The following SHISA9 variants were observed in gnomAD, a reference collection of about 807,000 sequenced individuals.
SHISA9 encodes protein shisa-9.
In SHISA9, 13 loss-of-function variants were observed where a neutral mutation model predicts 38.0. The observed-to-expected ratio is 0.34, with a 90% CI of 0.22 to 0.54. The LOEUF (loss-of-function observed/expected upper bound fraction) is 0.54, where lower values mean the gene tolerates loss of function less well. Ranked by LOEUF, SHISA9 falls within the 20% of genes least tolerant of loss-of-function variation. The pLI is 0.91. For synonymous variants in SHISA9, 275 were observed against 242.0 expected (o/e 1.14, Z -1.27); for missense variants, 538 against 575.8 (o/e 0.93, Z 0.67).
rs2050879341 is a variant in SHISA9, at chr16:13,190,940, GTC to G, written c.692-12448_692-12447del. Among the ~76,000 whole-genome samples the G allele has an allele frequency of 2.6e-5, 4 of 151,488 alleles. 1 individual carries two copies. The highest frequency in any genetic ancestry group is 4.2e-4 in the South Asian group (2 of 4,762). ...TTTTCTTTATTGCAAATTCCTGCTG[GTC>G]TCTCTGCCACCAAGATTCAAAAAGA... On this transcript the variant is annotated intron_variant, in intron 2 of 4. Coordinates refer to ENST00000558583, the MANE Select transcript of SHISA9 (RefSeq NM_001145204.3).
At chr16:13,178,206 A>G (rs2142028064) in intron 2 of SHISA9, among the ~76,000 whole-genome samples, 1 of 152,260 alleles carries the variant, frequency 6.6e-6, no homozygotes, top group Non-Finnish European at 1.5e-5. Flanking sequence ...TCCATGGATC[A>G]GCTACAAGGA....
the SHISA9 span, among the ~76,000 whole-genome samples, chr16:13,300,875 C>A: frequency 9.0e-6 from 1 of 111,460 alleles, no homozygotes. Context: ...CCTCTCCTCT[C>A]CTCTCCCCTT....
At chr16:13,326,657 G>A in the SHISA9 span, among the ~76,000 whole-genome samples, 7 of 152,122 alleles carry the variant, frequency 4.6e-5, no homozygotes, top group Admixed American at 4.6e-4. Flanking sequence ...GGAGTTGGAG[G>A]TTGCAGTGAG....
chr16:13,317,136 G>C, the SHISA9 span, among the ~76,000 whole-genome samples: 7 of 152,202 alleles, frequency 4.6e-5, no homozygotes, highest in African/African-American at 1.7e-4. Flanking sequence ...GTTGGGAACA[G>C]CAGAAACTAT....
chr16:12,930,463 G>A (rs193045315), intron 2 of SHISA9, among the ~76,000 whole-genome samples: 7 of 152,182 alleles, frequency 4.6e-5, no homozygotes, highest in African/African-American at 1.2e-4. Context: ...TTCAAAGTTC[G>A]GCCCACCAAT....
chr16:13,536,310 C>A, the SHISA9 span, among the ~76,000 whole-genome samples: 1 of 152,066 alleles, frequency 6.6e-6, no homozygotes, highest in Non-Finnish European at 1.5e-5. Flanking sequence ...GTTTGTTTTT[C>A]TATCTGCCTA....
At chr16:12,994,403 C>T (rs1231716982) in intron 2 of SHISA9, among the ~76,000 whole-genome samples, 1 of 152,180 alleles carries the variant, frequency 6.6e-6, no homozygotes, top group African/African-American at 2.4e-5. Flanking sequence ...TGGGCTTAGC[C>T]CCATGACGTG....
chr16:13,454,680 A>G, the SHISA9 span, among the ~76,000 whole-genome samples: 1 of 152,198 alleles, frequency 6.6e-6, no homozygotes, highest in African/African-American at 2.4e-5. Context: ...AAGAAGCCAG[A>G]CTGTCCCCCG....
At chr16:13,495,220 T>C in the SHISA9 span, among the ~76,000 whole-genome samples, 3 of 152,150 alleles carry the variant, frequency 2.0e-5, no homozygotes, top group East Asian at 5.8e-4. Flanking sequence ...TGGTAATACA[T>C]GCATGTAAAA....
the SHISA9 span, among the ~76,000 whole-genome samples, chr16:13,253,771 C>T: frequency 6.6e-6 from 1 of 152,110 alleles, no homozygotes; most frequent in Non-Finnish European, 1.5e-5. Context: ...AATATATCCA[C>T]TTGGGCATTA....
intron 2 of SHISA9, among the ~76,000 whole-genome samples, chr16:13,052,004 C>T (rs1191678361): frequency 1.3e-5 from 2 of 152,120 alleles, no homozygotes; most frequent in Non-Finnish European, 2.9e-5. Flanking sequence ...ACCTCGTGAT[C>T]CGCCTGCCTC....
At chr16:13,326,232 A>G in the SHISA9 span, among the ~76,000 whole-genome samples, 22 of 152,174 alleles carry the variant, frequency 1.4e-4, no homozygotes, top group African/African-American at 5.3e-4. Context: ...TACTCAGTCT[A>G]CCTATTCAAA....
At position 13,235,648 on chromosome 16, in the gene SHISA9, GA is replaced by G; in HGVS notation, c.*243del. On this transcript the variant is annotated 3_prime_UTR_variant, in exon 5 of 5. Transcript: ENST00000558583. ...GGACATTCAGCAATACAGCAAAGGGGAAAATGAGGCACACTCTTTCCACTTC... is the reference window on the plus strand; with the variant it reads ...GGACATTCAGCAATACAGCAAAGGGGAAATGAGGCACACTCTTTCCACTTC... The G allele has an allele frequency of 4.0e-6, 2 of 502,644 alleles. No homozygotes were observed. Among genetic ancestry groups the G allele is most frequent in the South Asian group, 3.8e-5 (1 of 26,084 alleles). 31.1% of individuals were successfully genotyped at this position (502,644 alleles called of 1,614,324 possible).
At chr16:13,270,316 G>A in the SHISA9 span, among the ~76,000 whole-genome samples, 2 of 152,046 alleles carry the variant, frequency 1.3e-5, no homozygotes, top group Admixed American at 6.6e-5. Context: ...TTGGGGGCGA[G>A]GGGCAGTTAA....
chr16:13,308,761 A>T, the SHISA9 span, among the ~76,000 whole-genome samples: 1 of 152,210 alleles, frequency 6.6e-6, no homozygotes. Flanking sequence ...TATTATAGGG[A>T]TGGAAAAATC....
chr16:13,153,051 T>G (rs146947296), intron 2 of SHISA9, among the ~76,000 whole-genome samples: 4 of 152,158 alleles, frequency 2.6e-5, no homozygotes, highest in African/African-American at 9.7e-5. Context: ...CCAAAGAATA[T>G]GCCAGTCCCT....
chr16:13,253,962 A>G, the SHISA9 span, among the ~76,000 whole-genome samples: 1 of 152,112 alleles, frequency 6.6e-6, no homozygotes, highest in African/African-American at 2.4e-5. Context: ...GGGAGACTGA[A>G]AAATGTCTTC....
At chr16:13,352,079 G>A in the SHISA9 span, among the ~76,000 whole-genome samples, 4 of 152,154 alleles carry the variant, frequency 2.6e-5, no homozygotes, top group Admixed American at 2.0e-4. Context: ...GATAGCTGAA[G>A]GAGGGCTTCT....
chr16:13,358,207 G>C, the SHISA9 span, among the ~76,000 whole-genome samples: 4 of 152,138 alleles, frequency 2.6e-5, no homozygotes, highest in Non-Finnish European at 5.9e-5. Flanking sequence ...GGGTGAGAAG[G>C]ATTCTGAAAT....
Sources: allele counts gnomAD v4.1 joint callset (sites outside exome capture counted in the v4.1 genomes callset), GRCh38; gene constraint gnomAD v4.1.1; transcripts MANE v1.5; gene names NCBI Gene and HGNC (gene_info 2026-07-23, HGNC 2026-07-21).